The following URAD variants were observed in gnomAD, a reference collection of about 807,000 sequenced individuals.
URAD encodes putative 2-oxo-4-hydroxy-4-carboxy-5-ureidoimidazoline decarboxylase.
URAD carries 4 observed loss-of-function variants against 4.6 expected under a neutral mutation model. The ratio of observed to expected loss-of-function variants is 0.87; its 90% CI spans 0.43 to 1.98. URAD has a LOEUF of 1.98. Among genes scored for constraint, URAD ranks in the 30% most tolerant of loss-of-function variants. URAD has a pLI of 0.03. For synonymous variants in URAD, 144 were observed against 118.2 expected, an observed-to-expected ratio of 1.22 and a Z score of -1.41; for missense variants, 300 against 255.3, an observed-to-expected ratio of 1.18 and a Z score of -1.19.
At chr13:27,978,597 T>A in intron 1 of URAD, 145 bp from the exon 2 acceptor site, 1 of 598,196 alleles carries the variant, frequency 1.7e-6, no homozygotes, top group Non-Finnish European at 2.4e-6. Flanking sequence ...GAGGGTGAAG[T>A]AGAGTACCCA....
At chr13:27,987,517 C>T (rs1004364233) in intron 1 of URAD, among the ~76,000 whole-genome samples, 5 of 152,134 alleles carry the variant, frequency 3.3e-5, no homozygotes, top group African/African-American at 1.2e-4. Context: ...CCAAACTGGC[C>T]CTTTGTGGTA....
In URAD at chr13:27,988,487, A is replaced by G. The variant is rs1228013011; in HGVS notation, c.151T>C (p.Phe51Leu). 2 of 1,612,536 alleles carry G rather than the reference A, an allele frequency of 1.2e-6. No homozygotes were observed. Among genetic ancestry groups the G allele is most frequent in the Admixed American group, 3.3e-5 (2 of 59,786 alleles). ...LEDLEKHFFA[F>L]IDALAQSGQE... ...CCTGACTGTGCAAGGGCATCAATAAAGGCAAAAAAGTGCTTCTCTAAATCT... is the reference window on the plus strand; with the variant it reads ...CCTGACTGTGCAAGGGCATCAATAAGGGCAAAAAAGTGCTTCTCTAAATCT... The change falls in exon 1 of 2, where the codon TTT becomes CTT. Residue 51 changes from phenylalanine (F) to leucine (L), a missense_variant. Coordinates refer to ENST00000332715, the MANE Select transcript of URAD (RefSeq NM_001105577.2).
chr13:27,983,690 T>A (rs1021199402), intron 1 of URAD, among the ~76,000 whole-genome samples: 1 of 152,202 alleles, frequency 6.6e-6, no homozygotes, highest in African/African-American at 2.4e-5. Context: ...CCTGAAATAA[T>A]GGTATTTTTA....
chr13:27,984,487 ACT>A (rs1331998876), intron 1 of URAD, among the ~76,000 whole-genome samples: 1 of 151,994 alleles, frequency 6.6e-6, no homozygotes, highest in East Asian at 1.9e-4. Context: ...ACCTAAATGG[ACT>A]CGCCCTTAGT....
At chr13:27,982,927 C>T (rs1869917004) in intron 1 of URAD, among the ~76,000 whole-genome samples, 1 of 152,176 alleles carries the variant, frequency 6.6e-6, no homozygotes, top group African/African-American at 2.4e-5. Flanking sequence ...TCGCATCTCT[C>T]CATCTCTACT....
rs2137553675 is a variant in URAD, at chr13:27,978,403, C to T, written c.225G>A (p.Leu75=). Residue 75 remains leucine, a synonymous_variant, in exon 2 of 2, where the codon CTG becomes CTA. Transcript: ENST00000332715. ...ACTCGGCCGTGAGCGTGCCCCGCTG[C>T]AGCTCGCTGCCCGCCAGGTCCGGGT... ...RCHPDLAGSE[L]QRGTLTAESQ... is the part of the protein sequence containing the mutation. The T allele has an allele frequency of 7.2e-7, 1 of 1,396,220 alleles. No homozygotes were observed. Among genetic ancestry groups the T allele is most frequent in the Non-Finnish European group, 9.3e-7 (1 of 1,080,380 alleles). 86.5% of individuals were successfully genotyped at this position (1,396,220 alleles called of 1,614,324 possible). A position where few individuals can be genotyped will look rare whatever the true frequency, so the allele number is the denominator to read the frequency against.
rs1869754390 is a variant in URAD, at chr13:27,977,853, A to G, written c.*253T>C. On this transcript the variant is annotated 3_prime_UTR_variant, in exon 2 of 2. Coordinates refer to ENST00000332715, the MANE Select transcript of URAD (RefSeq NM_001105577.2). ...TCGGGGGCCGCAAAGGGAGTGAAGAATTGAAGCAGTGAGCTGGATAAATCC... is the reference window on the plus strand; with the variant it reads ...TCGGGGGCCGCAAAGGGAGTGAAGAGTTGAAGCAGTGAGCTGGATAAATCC... The G allele has an allele frequency of 2.3e-6, 1 of 439,182 alleles. No homozygotes were observed. Among genetic ancestry groups the G allele is most frequent in the African/African-American group, 2.1e-5 (1 of 48,334 alleles). 27.2% of individuals were successfully genotyped at this position (439,182 alleles called of 1,614,324 possible). A position where few individuals can be genotyped will look rare whatever the true frequency, so the allele number is the denominator to read the frequency against.
At chr13:27,980,146 C>T (rs1279912102) in intron 1 of URAD, among the ~76,000 whole-genome samples, 3 of 152,132 alleles carry the variant, frequency 2.0e-5, no homozygotes, top group African/African-American at 7.2e-5. Flanking sequence ...TCACTGCAAC[C>T]TCTGCCTCCT....
chr13:27,988,257 G>A (rs1218372192), intron 1 of URAD, among the ~76,000 whole-genome samples: 2 of 89,242 alleles, frequency 2.2e-5, no homozygotes. Context: ...AACACGCCCG[G>A]CCTAAAAGCA....
In URAD at chr13:27,978,276, G is replaced by A. The variant is rs1329350433; in HGVS notation, c.352C>T (p.Pro118Ser). Residue 118 changes from proline to serine, a missense_variant, in exon 2 of 2, where the codon CCC becomes TCC. By Grantham distance (74) the Pro-to-Ser change is moderately conservative. Coordinates refer to ENST00000332715, the MANE Select transcript of URAD (RefSeq NM_001105577.2). ...NAQYRARFGF[P>S]FVLAARFSDR... ...CTGAAGCGCGCGGCGAGCACGAAGG[G>A]GAAACCGAAGCGCGCGCGGTACTGC... The A allele has an allele frequency of 1.4e-6, 2 of 1,425,706 alleles. No individual in the cohort carries two copies. The highest frequency in any genetic ancestry group is 9.1e-7 in the Non-Finnish European group (1 of 1,099,248). 88.3% of individuals were successfully genotyped at this position (1,425,706 alleles called of 1,614,324 possible).
In URAD at chr13:27,978,271, G is replaced by T. The variant is rs761797898; in HGVS notation, c.357C>A (p.Phe119Leu). The change falls in exon 2 of 2, where the codon TTC becomes TTA. Residue 119 changes from phenylalanine (F) to leucine (L), a missense_variant. Phe to Leu is a conservative substitution (Grantham distance 22). Transcript: ENST00000332715. ...AQYRARFGFP[F>L]VLAARFSDRT... is the part of the protein sequence containing the mutation. ...GGTCGCTGAAGCGCGCGGCGAGCACGAAGGGGAAACCGAAGCGCGCGCGGT... is the reference window on the plus strand; with the variant it reads ...GGTCGCTGAAGCGCGCGGCGAGCACTAAGGGGAAACCGAAGCGCGCGCGGT... 4 of 1,430,968 alleles carry T rather than the reference G, an allele frequency of 2.8e-6. No homozygotes were observed. The highest frequency in any genetic ancestry group is 3.0e-5 in the East Asian group (1 of 33,248). The allele number at this position is 1,430,968 out of a possible 1,614,324, so 88.6% of individuals were successfully genotyped here. A position where few individuals can be genotyped will look rare whatever the true frequency, so the allele number is the denominator to read the frequency against.
At position 27,978,102 on chromosome 13, in the gene URAD, G is replaced by A; in HGVS notation, c.*4C>T. Reference sequence around the variant, plus strand: ...GCGTCCCGGGTCCCTGGCCCGCGCGGCAGCTACAGCTTGGCGGGGTCTGCG... The same window carrying A: ...GCGTCCCGGGTCCCTGGCCCGCGCGACAGCTACAGCTTGGCGGGGTCTGCG... On this transcript the variant is annotated 3_prime_UTR_variant, in exon 2 of 2. Coordinates refer to ENST00000332715, the MANE Select transcript of URAD (RefSeq NM_001105577.2). 1.3e-6 allele frequency: 2 copies of A among 1,489,202 alleles called. No individual in the cohort carries two copies. Among genetic ancestry groups the A allele is most frequent in the Non-Finnish European group, 1.8e-6 (2 of 1,134,868 alleles). 92.2% of individuals were successfully genotyped at this position (1,489,202 alleles called of 1,614,324 possible).
At chr13:27,980,281 C>T (rs1869835876) in intron 1 of URAD, among the ~76,000 whole-genome samples, 1 of 152,202 alleles carries the variant, frequency 6.6e-6, no homozygotes, top group Admixed American at 6.5e-5. Context: ...TCGGGCACTG[C>T]AAACAGGAAC....
In URAD at chr13:27,978,260, G is replaced by T; in HGVS notation, c.368C>A (p.Ala123Glu). The change falls in exon 2 of 2, where the codon GCG becomes GAG. Residue 123 changes from alanine to glutamate, a missense_variant. Transcript: ENST00000332715. ...CACCGCCGTCCGGTCGCTGAAGCGC[G>T]CGGCGAGCACGAAGGGGAAACCGAA... is the stretch of plus-strand genomic sequence containing the variant. Reference protein sequence around the residue: ...ARFGFPFVLAARFSDRTAVPR... With the variant: ...ARFGFPFVLAERFSDRTAVPR... The T allele has an allele frequency of 6.9e-7, 1 of 1,441,182 alleles. No individual in the cohort carries two copies. The allele number at this position is 1,441,182 out of a possible 1,614,324, so 89.3% of individuals were successfully genotyped here. A position where few individuals can be genotyped will look rare whatever the true frequency, so the allele number is the denominator to read the frequency against.
Position 27,988,460 on chromosome 13 carries a change from T to C in URAD, c.175+3A>G. ...CAGAGAATGTCTGATACGGAAGCCT[T>C]ACCTGACTGTGCAAGGGCATCAATA... On this transcript the variant is annotated splice_donor_region_variant and intron_variant, in intron 1 of 1. Coordinates refer to ENST00000332715, the MANE Select transcript of URAD (RefSeq NM_001105577.2). 1.3e-6 allele frequency: 2 copies of C among 1,592,152 alleles called. No individual in the cohort carries two copies. The highest frequency in any genetic ancestry group is 2.7e-5 in the African/African-American group (2 of 74,004).
intron 1 of URAD, among the ~76,000 whole-genome samples, chr13:27,987,225 G>GC (rs1870056491): frequency 6.6e-6 from 1 of 152,076 alleles, no homozygotes; most frequent in South Asian, 2.1e-4. Flanking sequence ...AGGCCTCTCT[G>GC]CCCCTCGCCA....
At chr13:27,979,210 C>T (rs1324373178) in intron 1 of URAD, among the ~76,000 whole-genome samples, 4 of 152,166 alleles carry the variant, frequency 2.6e-5, no homozygotes, top group Non-Finnish European at 5.9e-5. Flanking sequence ...CCCACCGGCC[C>T]GGGACTTATT....
In URAD at chr13:27,978,470, C is replaced by T. The variant is rs1021453436; in HGVS notation, c.176-18G>A. ...CTCCTGGCCTGCGGAGAAGCACAGACACCGGCGGGAGCGCGTCAACCGCGC... is the reference window on the plus strand; with the variant it reads ...CTCCTGGCCTGCGGAGAAGCACAGATACCGGCGGGAGCGCGTCAACCGCGC... On this transcript the variant is annotated intron_variant, in intron 1 of 1. Transcript: ENST00000332715. 80 of 1,308,790 alleles carry T rather than the reference C, an allele frequency of 6.1e-5. No homozygotes were observed. The African/African-American group carries it at 1.1e-3, about 18-fold the overall frequency. 81.1% of individuals were successfully genotyped at this position (1,308,790 alleles called of 1,614,324 possible).
At chr13:27,987,716 C>T (rs1016480612) in intron 1 of URAD, among the ~76,000 whole-genome samples, 2 of 152,142 alleles carry the variant, frequency 1.3e-5, no homozygotes, top group Non-Finnish European at 2.9e-5. Flanking sequence ...GACCTCAAAG[C>T]TCTAATATTT....
Sources: allele counts gnomAD v4.1 joint callset (sites outside exome capture counted in the v4.1 genomes callset), GRCh38; gene constraint gnomAD v4.1.1; transcripts MANE v1.5; gene names NCBI Gene and HGNC (gene_info 2026-07-23, HGNC 2026-07-21).